Variants in STPG2 observed in about 807,000 individuals in gnomAD.
The protein encoded by STPG2 is sperm tail PG-rich repeat containing 2, also known as sperm-tail PG-rich repeat-containing protein 2.
Under a neutral mutation model 54.2 loss-of-function variants are expected in STPG2, and 56 were observed. The ratio of observed to expected loss-of-function variants is 1.03; its 90% confidence interval spans 0.83 to 1.29. STPG2 has a LOEUF of 1.29. Ranked by LOEUF, STPG2 falls within the 50% of genes most tolerant of loss-of-function variation. STPG2 has a pLI of 0.00. For missense variants in STPG2, 596 were observed against 544.9 expected, an observed-to-expected ratio of 1.09 and a Z score of -0.93; for synonymous variants, 200 against 181.8, an observed-to-expected ratio of 1.10 and a Z score of -0.81.
chr4:98,064,093 A>G (rs1427533829), intron 5 of STPG2, among the ~76,000 whole-genome samples: 1 of 152,222 alleles, frequency 6.6e-6, no homozygotes, highest in Non-Finnish European at 1.5e-5. Context: ...ATTAAATTGA[A>G]TATTCTAGGA....
rs553730673 is a variant in STPG2, at chr4:98,079,088, T to C, written c.612+26865A>G. ...ACAATTCAATTATATCCTAGCTTTTTTGGATGCTCAAAATAGTTATATTAT... is the reference window on the plus strand; with the variant it reads ...ACAATTCAATTATATCCTAGCTTTTCTGGATGCTCAAAATAGTTATATTAT... On this transcript the variant is annotated intron_variant, in intron 5 of 10. Transcript: ENST00000295268. Among the ~76,000 whole-genome samples, 36 of 152,304 alleles carry C rather than the reference T, an allele frequency of 2.4e-4. No individual in the cohort carries two copies. In the South Asian group the frequency reaches 2.9e-3, roughly 12 times the overall value.
intron 8 of STPG2, among the ~76,000 whole-genome samples, chr4:97,887,727 C>A (rs1318400976): frequency 6.6e-6 from 1 of 152,102 alleles, no homozygotes; most frequent in Non-Finnish European, 1.5e-5. Flanking sequence ...ATTTGCATAA[C>A]CGAAAAGGAT....
intron 9 of STPG2, among the ~76,000 whole-genome samples, chr4:97,823,636 C>G (rs1262928492): frequency 6.6e-6 from 1 of 152,148 alleles, no homozygotes; most frequent in Non-Finnish European, 1.5e-5. Context: ...CAAGAACCAT[C>G]TCTTGGGGTC....
intron 8 of STPG2, among the ~76,000 whole-genome samples, chr4:97,862,312 C>A (rs924945066): frequency 6.6e-6 from 1 of 151,968 alleles, no homozygotes; most frequent in South Asian, 2.1e-4. Flanking sequence ...TATGATAAAA[C>A]AGACTTTAAA....
intron 4 of STPG2, among the ~76,000 whole-genome samples, chr4:97,494,618 T>C (rs550035397): frequency 2.8e-4 from 42 of 151,618 alleles, no homozygotes; most frequent in Non-Finnish European, 6.1e-4. Context: ...GATCCTGAGG[T>C]ACCAGCCCTG....
chr4:97,954,327 T>C (rs1387231206), intron 7 of STPG2, among the ~76,000 whole-genome samples: 1 of 152,196 alleles, frequency 6.6e-6, no homozygotes, highest in East Asian at 1.9e-4. Flanking sequence ...AGGTGCACTC[T>C]CCCTCAGGGC....
intron 8 of STPG2, among the ~76,000 whole-genome samples, chr4:97,931,294 C>A (rs1191870222): frequency 1.3e-5 from 2 of 152,156 alleles, no homozygotes; most frequent in East Asian, 3.8e-4. Flanking sequence ...AGCTTTTGTG[C>A]AATCAGTATA....
At chr4:98,089,520 C>T (rs1738620895) in intron 5 of STPG2, among the ~76,000 whole-genome samples, 1 of 151,746 alleles carries the variant, frequency 6.6e-6, no homozygotes, top group Non-Finnish European at 1.5e-5. Context: ...CATGCATGTG[C>T]ATGTGTTTTT....
chr4:98,105,895 C>T, intron 5 of STPG2, 58 bp downstream of exon 5: 1 of 1,419,376 alleles, frequency 7.0e-7, no homozygotes. Flanking sequence ...CTTGTGATAA[C>T]AGGATTCAAT....
chr4:97,520,380 T>C (rs577527264), intron 4 of STPG2, among the ~76,000 whole-genome samples: 1 of 152,212 alleles, frequency 6.6e-6, no homozygotes, highest in African/African-American at 2.4e-5. Context: ...TAAACTAGCC[T>C]TGACCAATCG....
intron 2 of STPG2, 111 bp from the exon 3 acceptor site, chr4:98,128,703 T>A (rs1449544212): frequency 2.3e-6 from 2 of 876,852 alleles, no homozygotes; most frequent in Non-Finnish European, 3.3e-6. Flanking sequence ...TTTAATGAGT[T>A]TCATGATATA....
At chr4:97,647,886 T>G (rs531702816) in intron 10 of STPG2, among the ~76,000 whole-genome samples, 1 of 152,216 alleles carries the variant, frequency 6.6e-6, no homozygotes, top group South Asian at 2.1e-4. Context: ...AGTGTGGGTC[T>G]AAATGGTGTT....
At chr4:97,825,902 C>T (rs1728244726) in intron 9 of STPG2, among the ~76,000 whole-genome samples, 1 of 152,088 alleles carries the variant, frequency 6.6e-6, no homozygotes, top group Admixed American at 6.6e-5. Context: ...AAAATTTAGA[C>T]ATTTGGTCTA....
chr4:98,047,219 G>T (rs1737156768), intron 5 of STPG2, among the ~76,000 whole-genome samples: 1 of 152,196 alleles, frequency 6.6e-6, no homozygotes, highest in African/African-American at 2.4e-5. Context: ...CAAGTAGCCA[G>T]CCCCTCAAGT....
chr4:97,954,919 G>A (rs1399885676), intron 7 of STPG2, among the ~76,000 whole-genome samples: 1 of 152,116 alleles, frequency 6.6e-6, no homozygotes, highest in Non-Finnish European at 1.5e-5. Flanking sequence ...AGATATTAGA[G>A]TTAGCAGACA....
At chr4:97,972,166 G>A in intron 7 of STPG2, 114 bp downstream of exon 7, 1 of 656,724 alleles carries the variant, frequency 1.5e-6, no homozygotes. Context: ...TATGGAACAT[G>A]GTTATAATAA....
chr4:97,973,980 C>A (rs1373891293), intron 6 of STPG2, among the ~76,000 whole-genome samples: 4 of 152,146 alleles, frequency 2.6e-5, no homozygotes, highest in Non-Finnish European at 4.4e-5. Flanking sequence ...AATTGTAGAT[C>A]CACTGACAGC....
chr4:98,011,337 CA>C (rs1735743168), intron 5 of STPG2, among the ~76,000 whole-genome samples: 3 of 152,136 alleles, frequency 2.0e-5, no homozygotes, highest in African/African-American at 7.2e-5. Flanking sequence ...ATATGTGCCA[CA>C]TTTTTTTTAT....
At chr4:97,878,740 C>T (rs1560567893) in intron 8 of STPG2, among the ~76,000 whole-genome samples, 3 of 152,156 alleles carry the variant, frequency 2.0e-5, no homozygotes, top group Admixed American at 6.6e-5. Flanking sequence ...GACATTTTCC[C>T]CATTATCCTG....
Sources: gnomAD v4.1 joint callset for allele counts (sites outside exome capture counted in the v4.1 genomes callset) on GRCh38, gnomAD v4.1.1 for gene constraint, MANE v1.5 for transcripts, NCBI Gene and HGNC (gene_info 2026-07-23, HGNC 2026-07-21) for gene names.